STK24: variants seen among roughly 807,000 people sequenced by gnomAD.
STK24 encodes serine/threonine kinase 24, also known as serine/threonine-protein kinase 24.
Under a neutral mutation model 55.6 loss-of-function variants are expected in STK24, and 21 were observed. The observed-to-expected ratio is 0.38, with a 90% CI of 0.27 to 0.54. The LOEUF is 0.54. Among genes scored for constraint, STK24 ranks in the 20% least tolerant of loss-of-function variants. The pLI is 0.79. For missense variants in STK24, 383 were observed against 538.4 expected, an observed-to-expected ratio of 0.71 and a Z score of 2.86; for synonymous variants, 200 against 215.2, an observed-to-expected ratio of 0.93 and a Z score of 0.62.
At chr13:98,573,504 T>G (rs561325565) in intron 1 of STK24, among the ~76,000 whole-genome samples, 56 of 152,142 alleles carry the variant, frequency 3.7e-4, no homozygotes, top group Non-Finnish European at 7.6e-4. Context: ...AAACTGGGGT[T>G]TAAGAGAAAA....
chr13:98,468,059 T>C (rs1013596708), intron 5 of STK24, among the ~76,000 whole-genome samples: 6 of 152,200 alleles, frequency 3.9e-5, no homozygotes, highest in Non-Finnish European at 7.3e-5. Context: ...AGGAAATGCA[T>C]AGGCGGAAGC....
intron 1 of STK24, among the ~76,000 whole-genome samples, chr13:98,551,925 T>C (rs534665930): frequency 1.4e-4 from 21 of 152,278 alleles, no homozygotes; most frequent in African/African-American, 4.8e-4. Context: ...AGAAATTGGA[T>C]TGCTTGAGGG....
chr13:98,555,819 T>A (rs1345638135), intron 1 of STK24, among the ~76,000 whole-genome samples: 1 of 150,494 alleles, frequency 6.6e-6, no homozygotes, highest in Non-Finnish European at 1.5e-5. Flanking sequence ...TAGCTGGGAC[T>A]ACAGGTGCCC....
intron 1 of STK24, among the ~76,000 whole-genome samples, chr13:98,537,834 C>T (rs549858210): frequency 7.9e-4 from 121 of 152,236 alleles, no homozygotes; most frequent in Non-Finnish European, 1.4e-3. Flanking sequence ...GTCACTTAAA[C>T]GCCCTGTGCC....
intron 1 of STK24, chr13:98,575,845 G>A (rs748811569): frequency 1.0e-4 from 19 of 184,980 alleles, no homozygotes; most frequent in Non-Finnish European, 1.7e-4. Context: ...AGTTAGCCAA[G>A]GACGGTAGCT....
At chr13:98,478,275 C>T (rs965841983) in intron 3 of STK24, among the ~76,000 whole-genome samples, 2 of 152,216 alleles carry the variant, frequency 1.3e-5, no homozygotes, top group African/African-American at 4.8e-5. Context: ...ACTCCCCCTC[C>T]CCGAGCCTGT....
At chr13:98,481,691 T>A (rs1594596384) in intron 3 of STK24, among the ~76,000 whole-genome samples, 1 of 152,312 alleles carries the variant, frequency 6.6e-6, no homozygotes, top group East Asian at 1.9e-4. Context: ...GGCATGATCC[T>A]TCCTTGCTTC....
chr13:98,549,760 A>G (rs897718210), intron 1 of STK24, among the ~76,000 whole-genome samples: 1 of 152,236 alleles, frequency 6.6e-6, no homozygotes, highest in African/African-American at 2.4e-5. Context: ...ATTGCTTTAT[A>G]GCAACAGAAG....
intron 2 of STK24, among the ~76,000 whole-genome samples, chr13:98,489,767 G>A (rs1382298981): frequency 6.6e-6 from 1 of 152,226 alleles, no homozygotes; most frequent in African/African-American, 2.4e-5. Flanking sequence ...AGGGCAGCTA[G>A]GAATGAGAGG....
At chr13:98,546,751 AG>A (rs1897037377) in intron 1 of STK24, among the ~76,000 whole-genome samples, 1 of 152,246 alleles carries the variant, frequency 6.6e-6, no homozygotes, top group Non-Finnish European at 1.5e-5. Context: ...CAACAGGCTC[AG>A]GAAGAGCCAA....
chr13:98,514,182 G>A (rs2139371550), intron 2 of STK24, among the ~76,000 whole-genome samples: 1 of 152,312 alleles, frequency 6.6e-6, no homozygotes, highest in South Asian at 2.1e-4. Flanking sequence ...AAAGTCAATA[G>A]GCCAGTTATT....
intron 5 of STK24, among the ~76,000 whole-genome samples, chr13:98,471,141 T>C (rs777081153): frequency 1.4e-4 from 21 of 152,202 alleles, no homozygotes; most frequent in Admixed American, 1.1e-3. Context: ...TCCTGAGCCG[T>C]AGGCAGGAGC....
rs527441726 is a variant in STK24, at chr13:98,489,825, A to C, written c.274-7504T>G. Reference sequence around the variant, plus strand: ...GGTGTTCAAAGTTAATTTAATAAGCAATGGGAAGTCAGCGAAACTTGTGCT... The same window carrying C: ...GGTGTTCAAAGTTAATTTAATAAGCCATGGGAAGTCAGCGAAACTTGTGCT... On this transcript the variant is annotated intron_variant, in intron 2 of 10. Coordinates refer to ENST00000539966, the MANE Select transcript of STK24 (RefSeq NM_001032296.4). Among the ~76,000 whole-genome samples the C allele has an allele frequency of 2.0e-5, 3 of 152,354 alleles. No individual in the cohort carries two copies. In the East Asian group the frequency reaches 5.8e-4, roughly 29 times the overall value.
chr13:98,491,356 T>C (rs1305923053), intron 2 of STK24, among the ~76,000 whole-genome samples: 1 of 152,192 alleles, frequency 6.6e-6, no homozygotes. Flanking sequence ...GGCTTCGCTC[T>C]TCCAGAGGGC....
chr13:98,448,532 G>A lies in STK24; in HGVS notation c.*4641C>T. The A allele has an allele frequency of 1.1e-5, 6 of 566,094 alleles. No homozygotes were observed. In the South Asian group the frequency reaches 1.3e-4, roughly 12 times the overall value. The allele number at this position is 566,094 out of a possible 1,614,324, so 35.1% of individuals were successfully genotyped here. A position where few individuals can be genotyped will look rare whatever the true frequency, so the allele number is the denominator to read the frequency against. The stretch of plus-strand genomic sequence containing the variant: ...CCTCCAGTCCTGGCATCCGCTGGGG[G>A]CGCTGTTCTTTAGCTAGTGCCAGTA... On this transcript the variant is annotated 3_prime_UTR_variant, in exon 11 of 11. Transcript: ENST00000539966.
chr13:98,481,754 AAGC>A (rs1346460353), intron 3 of STK24, among the ~76,000 whole-genome samples: 1 of 152,154 alleles, frequency 6.6e-6, no homozygotes, highest in African/African-American at 2.4e-5. Flanking sequence ...CTGGTTTCAA[AAGC>A]AGACAGACAG....
At position 98,448,970 on chromosome 13, in the gene STK24, T is replaced by C. The variant is rs1448727798; in HGVS notation, c.*4203A>G. The C allele has an allele frequency of 6.6e-6, 1 of 152,192 alleles. No individual in the cohort carries two copies. The highest frequency in any genetic ancestry group is 1.5e-5 in the Non-Finnish European group (1 of 68,060). The allele number at this position is 152,192 out of a possible 1,614,324, so 9.4% of individuals were successfully genotyped here. A position where few individuals can be genotyped will look rare whatever the true frequency, so the allele number is the denominator to read the frequency against. On this transcript the variant is annotated 3_prime_UTR_variant, in exon 11 of 11. Coordinates refer to ENST00000539966, the MANE Select transcript of STK24 (RefSeq NM_001032296.4). ...TCTTGGTGCAAGTTGACCAAATCGT[T>C]TTAAGTGGTAACTCTTTCCAACCGT... is the stretch of plus-strand genomic sequence containing the variant.
At chr13:98,523,315 C>A (rs547068178) in intron 1 of STK24, among the ~76,000 whole-genome samples, 2 of 152,310 alleles carry the variant, frequency 1.3e-5, no homozygotes, top group South Asian at 2.1e-4. Flanking sequence ...AAACAGGCGA[C>A]AAGAATTTAT....
intron 2 of STK24, among the ~76,000 whole-genome samples, chr13:98,495,235 C>T (rs1895205090): frequency 6.6e-6 from 1 of 152,192 alleles, no homozygotes; most frequent in African/African-American, 2.4e-5. Flanking sequence ...ATTTGCCTCC[C>T]TGGAAATAAG....
Sources: gnomAD v4.1 joint callset for allele counts (sites outside exome capture counted in the v4.1 genomes callset) on GRCh38, gnomAD v4.1.1 for gene constraint, MANE v1.5 for transcripts, NCBI Gene and HGNC (gene_info 2026-07-23, HGNC 2026-07-21) for gene names.